The following ANKS1B variants were observed in gnomAD, a reference collection of about 807,000 sequenced individuals.
ANKS1B encodes the protein ankyrin repeat and sterile alpha motif domain-containing protein 1B.
ANKS1B carries 36 observed loss-of-function variants against 148.3 expected under a neutral mutation model. The observed-to-expected ratio is 0.24, with a 90% CI of 0.19 to 0.32. The LOEUF is 0.32. Among genes scored for constraint, ANKS1B ranks in the 10% least tolerant of loss-of-function variants. ANKS1B has a pLI of 1.00. For synonymous variants in ANKS1B, 542 were observed against 560.8 expected, an observed-to-expected ratio of 0.97 and a Z score of 0.47; for missense variants, 1,157 against 1,542.6, an observed-to-expected ratio of 0.75 and a Z score of 4.19.
At chr12:99,351,206 A>G (rs1283042237) in intron 12 of ANKS1B, among the ~76,000 whole-genome samples, 1 of 152,064 alleles carries the variant, frequency 6.6e-6, no homozygotes. Flanking sequence ...TTGGTCATGC[A>G]AGTCTTATTT....
chr12:98,798,120 G>A (rs2098966653), intron 22 of ANKS1B, among the ~76,000 whole-genome samples: 1 of 129,380 alleles, frequency 7.7e-6, no homozygotes, highest in African/African-American at 2.6e-5. Context: ...ATTTGGAATT[G>A]CCATTTTTTT....
chr12:99,532,393 G>A (rs113402959), intron 9 of ANKS1B, among the ~76,000 whole-genome samples: 1 of 152,168 alleles, frequency 6.6e-6, no homozygotes, highest in Admixed American at 6.5e-5. Flanking sequence ...ACGGAGTCTC[G>A]CTCTGTCGCC....
chr12:98,816,681 T>TG (rs1168615478), intron 19 of ANKS1B, among the ~76,000 whole-genome samples: 1 of 152,226 alleles, frequency 6.6e-6, no homozygotes, highest in Non-Finnish European at 1.5e-5. Context: ...TAGTTACTGG[T>TG]CATCTACTGT....
At chr12:99,042,853 C>T (rs562195698) in intron 17 of ANKS1B, among the ~76,000 whole-genome samples, 118 of 152,316 alleles carry the variant, frequency 7.7e-4, no homozygotes, top group African/African-American at 2.5e-3. Flanking sequence ...ATTCTACAAC[C>T]AGTCTTCTAA....
intron 8 of ANKS1B, among the ~76,000 whole-genome samples, chr12:99,764,587 T>A (rs936549573): frequency 6.6e-6 from 1 of 152,116 alleles, no homozygotes; most frequent in African/African-American, 2.4e-5. Context: ...CAGGCCCAGC[T>A]AGTTTTTGTA....
intron 17 of ANKS1B, among the ~76,000 whole-genome samples, chr12:98,938,690 T>A (rs914721552): frequency 3.9e-5 from 6 of 152,306 alleles, no homozygotes; most frequent in African/African-American, 1.4e-4. Flanking sequence ...GACTACTAAG[T>A]CACTTCGATG....
At chr12:99,601,642 G>A (rs887581999) in intron 9 of ANKS1B, among the ~76,000 whole-genome samples, 3 of 152,068 alleles carry the variant, frequency 2.0e-5, no homozygotes, top group African/African-American at 7.2e-5. Context: ...CAAGAGAAAA[G>A]CATAACAGGT....
At chr12:99,368,211 T>C (rs118186818) in intron 12 of ANKS1B, among the ~76,000 whole-genome samples, 1,664 of 152,194 alleles carry the variant, frequency 0.011, 15 homozygotes, top group Non-Finnish European at 0.016. Context: ...GAACAACAGA[T>C]ACTCGAGACT....
intron 17 of ANKS1B, among the ~76,000 whole-genome samples, chr12:98,948,688 G>A (rs894370429): frequency 1.3e-5 from 2 of 151,484 alleles, no homozygotes; most frequent in Non-Finnish European, 2.9e-5. Context: ...ACATTGATAT[G>A]CACAATAATC....
At chr12:99,120,696 T>A (rs2062563950) in intron 15 of ANKS1B, among the ~76,000 whole-genome samples, 1 of 152,172 alleles carries the variant, frequency 6.6e-6, no homozygotes, top group African/African-American at 2.4e-5. Flanking sequence ...GATTTCTGGC[T>A]TAAATGACTG....
At chr12:99,908,920 C>T (rs956194089) in intron 1 of ANKS1B, among the ~76,000 whole-genome samples, 21 of 152,042 alleles carry the variant, frequency 1.4e-4, no homozygotes, top group African/African-American at 5.1e-4. Context: ...TACATTGGAT[C>T]TCTAGACATG....
chr12:99,042,526 C>T (rs1270474669), intron 17 of ANKS1B, among the ~76,000 whole-genome samples: 1 of 152,176 alleles, frequency 6.6e-6, no homozygotes, highest in African/African-American at 2.4e-5. Flanking sequence ...CTCAGCTAAA[C>T]AAATGTCTAT....
At chr12:99,387,222 G>A (rs1387610163) in intron 12 of ANKS1B, among the ~76,000 whole-genome samples, 1 of 152,170 alleles carries the variant, frequency 6.6e-6, no homozygotes, top group African/African-American at 2.4e-5. Flanking sequence ...AAATTCATAT[G>A]TTTAAATACT....
chr12:99,561,656 T>A (rs2097337438), intron 9 of ANKS1B, among the ~76,000 whole-genome samples: 1 of 152,130 alleles, frequency 6.6e-6, no homozygotes, highest in Admixed American at 6.5e-5. Context: ...TCTGTTCAAG[T>A]TTTATCATGA....
In ANKS1B at chr12:99,280,874, C is replaced by T. The variant is rs111736052; in HGVS notation, c.1757-34010G>A. On this transcript the variant is annotated intron_variant, in intron 12 of 26. Coordinates refer to ENST00000683438, the MANE Select transcript of ANKS1B (RefSeq NM_001352186.2). The stretch of plus-strand genomic sequence containing the variant: ...TCTCTCTCTCTCTCTCTGTCTGTCT[C>T]TCTCTCTCTCTCACACACACACACA... Among the ~76,000 whole-genome samples, 776 of 142,756 alleles carry T rather than the reference C, an allele frequency of 5.4e-3. 11 individuals carry two copies. Among genetic ancestry groups the T allele is most frequent in the African/African-American group, 0.019 (751 of 40,030 alleles). 93.7% of individuals were successfully genotyped at this position (142,756 alleles called of 152,430 possible).
chr12:99,602,113 T>C (rs1228744357), intron 9 of ANKS1B, among the ~76,000 whole-genome samples: 1 of 152,022 alleles, frequency 6.6e-6, no homozygotes, highest in East Asian at 1.9e-4. Context: ...AGAAAGATCT[T>C]GCTTCTGTGA....
chr12:98,997,926 A>C (rs2099930672), intron 17 of ANKS1B, among the ~76,000 whole-genome samples: 1 of 152,086 alleles, frequency 6.6e-6, no homozygotes, highest in Non-Finnish European at 1.5e-5. Context: ...ATTTTTTGTC[A>C]TGTTTCTTTT....
At chr12:99,835,537 C>A (rs1487081649) in intron 1 of ANKS1B, among the ~76,000 whole-genome samples, 1 of 152,100 alleles carries the variant, frequency 6.6e-6, no homozygotes, top group Non-Finnish European at 1.5e-5. Context: ...TTTTATTTAA[C>A]CTAGTATATC....
intron 24 of ANKS1B, among the ~76,000 whole-genome samples, chr12:98,779,797 G>A (rs570668151): frequency 6.0e-4 from 92 of 152,252 alleles, no homozygotes; most frequent in African/African-American, 2.0e-3. Flanking sequence ...AATCAGCATT[G>A]TTCTTATTTG....
Sources: gnomAD v4.1 joint callset for allele counts (sites outside exome capture counted in the v4.1 genomes callset) on GRCh38, gnomAD v4.1.1 for gene constraint, MANE v1.5 for transcripts, NCBI Gene and HGNC (gene_info 2026-07-23, HGNC 2026-07-21) for gene names.